Variants in ZNF519 observed in about 807,000 individuals in gnomAD.
ZNF519 encodes the protein similar to Zinc finger protein 85 (Zinc finger protein HPF4) (HTF1).
Under a neutral mutation model 7.4 loss-of-function variants are expected in ZNF519, and 7 were observed. The ratio of observed to expected loss-of-function variants is 0.94; its 90% confidence interval spans 0.54 to 1.77. ZNF519 has a LOEUF of 1.77. Among genes scored for constraint, ZNF519 ranks in the 40% most tolerant of loss-of-function variants. ZNF519 has a pLI of 0.00. For missense variants in ZNF519, 586 were observed against 623.1 expected (o/e 0.94, Z 0.63); for synonymous variants, 179 against 203.3 (o/e 0.88, Z 1.02).
At chr18:14,127,904 G>A (rs2046308723) in intron 1 of ZNF519, among the ~76,000 whole-genome samples, 1 of 151,830 alleles carries the variant, frequency 6.6e-6, no homozygotes, top group Admixed American at 6.6e-5. Flanking sequence ...TCCCTCTAAA[G>A]TGAAGCCTGG....
intron 1 of ZNF519, 94 bp downstream of exon 1, chr18:14,132,181 C>T (rs2046334051): frequency 6.8e-7 from 1 of 1,471,940 alleles, no homozygotes; most frequent in African/African-American, 1.4e-5. Context: ...GAGCTGCAGA[C>T]TCGACTCGCA....
At chr18:14,118,068 C>CT (rs537580044) in intron 2 of ZNF519, among the ~76,000 whole-genome samples, 3 of 151,690 alleles carry the variant, frequency 2.0e-5, no homozygotes, top group African/African-American at 4.8e-5. Flanking sequence ...ATGAAATATT[C>CT]TTTTTTTTGA....
chr18:14,128,318 C>T (rs983875048), intron 1 of ZNF519, among the ~76,000 whole-genome samples: 4 of 106,096 alleles, frequency 3.8e-5, no homozygotes, highest in African/African-American at 1.6e-4. Context: ...ACAAACTCTC[C>T]ACCATAACAG....
chr18:14,123,890 G>C (rs2046282766), intron 2 of ZNF519, among the ~76,000 whole-genome samples: 1 of 151,964 alleles, frequency 6.6e-6, no homozygotes, highest in African/African-American at 2.4e-5. Context: ...TTTTCTTTTT[G>C]GCTGGGCATG....
rs2046173318 is a variant in ZNF519, at chr18:14,103,701, T to A, written c.*1216A>T. ...CTTATGGAATCAACATTCTCCAAAC[T>A]ATTTGGAGTTTAATACCACTAAGGG... On this transcript the variant is annotated 3_prime_UTR_variant, in exon 3 of 3. Coordinates refer to ENST00000590202, the MANE Select transcript of ZNF519 (RefSeq NM_145287.4). 1 of 152,064 alleles carries A rather than the reference T, an allele frequency of 6.6e-6. No homozygotes were observed. The allele number at this position is 152,064 out of a possible 1,614,324, so 9.4% of individuals were successfully genotyped here.
At chr18:14,094,399 A>G (rs1301321583) in intron 2 of ZNF519, among the ~76,000 whole-genome samples, 3 of 152,206 alleles carry the variant, frequency 2.0e-5, no homozygotes, top group African/African-American at 4.8e-5. Context: ...CCTTTTCAGT[A>G]TAACATTAGC....
chr18:14,118,536 T>A (rs548235864), intron 2 of ZNF519, among the ~76,000 whole-genome samples: 6 of 152,310 alleles, frequency 3.9e-5, no homozygotes, highest in Admixed American at 1.3e-4. Flanking sequence ...GAAAGATGAC[T>A]GCCTATGGTT....
chr18:14,113,806 T>C (rs1352111060), intron 2 of ZNF519, among the ~76,000 whole-genome samples: 3 of 151,996 alleles, frequency 2.0e-5, no homozygotes, highest in Non-Finnish European at 4.4e-5. Context: ...CCAGCATTTG[T>C]TATTGCCTGA....
chr18:14,073,242 A>ATATTTATTTATTTATT (rs140671222), downstream of ZNF519: 86 of 146,588 alleles, frequency 5.9e-4, no homozygotes, highest in Middle Eastern at 3.5e-3. Context: ...TTTTATTTTT[A>ATATTTATTTATTTATT]TATTTATTTA....
chr18:14,104,731 T>A lies in ZNF519; in HGVS notation c.*186A>T, dbSNP rs1477290952. On this transcript the variant is annotated 3_prime_UTR_variant, in exon 3 of 3. Transcript: ENST00000590202. ...TAATAAACACACTGATTCAGAGTAA[T>A]TTACGGAAGTGCTAGCACCTTAGTT... 2.0e-6 allele frequency: 1 copy of A among 500,010 alleles called. No homozygotes were observed. Among genetic ancestry groups the A allele is most frequent in the South Asian group, 6.7e-5 (1 of 14,864 alleles). The allele number at this position is 500,010 out of a possible 1,614,324, so 31.0% of individuals were successfully genotyped here.
chr18:14,113,038 G>A (rs887538846), intron 2 of ZNF519, among the ~76,000 whole-genome samples: 10 of 152,244 alleles, frequency 6.6e-5, no homozygotes, highest in Admixed American at 3.3e-4. Flanking sequence ...CATCCATGTT[G>A]TTGCCAACAA....
Position 14,105,867 on chromosome 18 carries a change from T to C in ZNF519, c.673A>G (p.Thr225Ala). ...CCAATATAAATTCTTTGATGTTGAG[T>C]AAGCTTTGAGAATGGGTCAGAAGTT... is the stretch of plus-strand genomic sequence containing the variant. ...GETSDPFSKL[T>A]QHQRIYIGES... The change falls in exon 3 of 3, where the codon ACT (threonine) becomes GCT (alanine). Residue 225 changes from threonine to alanine, a missense_variant. Thr to Ala is a moderately conservative substitution (Grantham distance 58). Coordinates refer to ENST00000590202, the MANE Select transcript of ZNF519 (RefSeq NM_145287.4). The C allele has an allele frequency of 6.2e-7, 1 of 1,603,434 alleles. No homozygotes were observed. Among genetic ancestry groups the C allele is most frequent in the Non-Finnish European group, 8.5e-7 (1 of 1,177,320 alleles).
At chr18:14,112,906 G>C (rs1296014201) in intron 2 of ZNF519, among the ~76,000 whole-genome samples, 1 of 152,050 alleles carries the variant, frequency 6.6e-6, no homozygotes, top group African/African-American at 2.4e-5. Context: ...CACAGAAATA[G>C]GAAAAACAAT....
chr18:14,071,832 A>C (rs1482059646), downstream of ZNF519: 2 of 152,210 alleles, frequency 1.3e-5, no homozygotes, highest in Non-Finnish European at 2.9e-5. Context: ...TCAACAATAA[A>C]AGGTTTTCAT....
intron 2 of ZNF519, chr18:14,089,983 T>C (rs1483676635): frequency 6.6e-6 from 1 of 152,236 alleles, no homozygotes; most frequent in Non-Finnish European, 1.5e-5. Context: ...ACTGCAATCC[T>C]CTGTAGAGCT....
chr18:14,075,001 T>C (rs1357307445), downstream of ZNF519: 1 of 152,232 alleles, frequency 6.6e-6, no homozygotes, highest in Admixed American at 6.5e-5. Context: ...CTCACAATCA[T>C]GGCGGAAGGT....
chr18:14,101,653 G>A lies in ZNF519; in HGVS notation c.*3264C>T. Reference sequence around the variant, plus strand: ...GCCATGTCTGGGCCCTGGTTATAGAGACCATCTCTACACCCACACCCCAAT... The same window carrying A: ...GCCATGTCTGGGCCCTGGTTATAGAAACCATCTCTACACCCACACCCCAAT... On this transcript the variant is annotated 3_prime_UTR_variant, in exon 3 of 3. Transcript: ENST00000590202. 2.5e-6 allele frequency: 1 copy of A among 398,556 alleles called. No individual in the cohort carries two copies. The highest frequency in any genetic ancestry group is 4.4e-6 in the Non-Finnish European group (1 of 226,082). The allele number at this position is 398,556 out of a possible 1,614,324, so 24.7% of individuals were successfully genotyped here. A position where few individuals can be genotyped will look rare whatever the true frequency, so the allele number is the denominator to read the frequency against.
chr18:14,112,525 G>A (rs536873076), intron 2 of ZNF519, among the ~76,000 whole-genome samples: 3 of 152,162 alleles, frequency 2.0e-5, no homozygotes, highest in Admixed American at 2.0e-4. Context: ...TTTGCTTGCA[G>A]ATGATGTGCT....
At chr18:14,073,929 T>G (rs1390842768), downstream of ZNF519, 2 of 152,210 alleles carry the variant, frequency 1.3e-5, no homozygotes, top group Non-Finnish European at 2.9e-5. Context: ...CTCCCTCGAA[T>G]AGCTACTAAT....
Sources: allele counts gnomAD v4.1 joint callset (sites outside exome capture counted in the v4.1 genomes callset), GRCh38; gene constraint gnomAD v4.1.1; transcripts MANE v1.5; gene names NCBI Gene and HGNC (gene_info 2026-07-23, HGNC 2026-07-21).